The following BABAM2 variants were observed in gnomAD, a reference collection of about 807,000 sequenced individuals.
The protein encoded by BABAM2 is BRISC and BRCA1 A complex member 2.
BABAM2 carries 31 observed loss-of-function variants against 54.7 expected under a neutral mutation model. The observed-to-expected ratio is 0.57, with a 90% CI of 0.43 to 0.77. The LOEUF (loss-of-function observed/expected upper bound fraction) is 0.77. BABAM2 is among the 30% of genes least tolerant of loss of function. The pLI, the probability that BABAM2 is intolerant of heterozygous loss-of-function variation, is 0.00. For synonymous variants in BABAM2, 167 were observed against 162.9 expected (o/e 1.03, Z -0.19); for missense variants, 364 against 455.8 (o/e 0.80, Z 1.83).
chr2:28,072,473 C>T (rs545234807), intron 6 of BABAM2, among the ~76,000 whole-genome samples: 4 of 152,190 alleles, frequency 2.6e-5, no homozygotes, highest in African/African-American at 9.6e-5. Flanking sequence ...GCAAGCTCCG[C>T]TTCCCGGGTT....
chr2:27,907,340 G>C (rs1031665827), intron 2 of BABAM2, among the ~76,000 whole-genome samples: 2 of 151,780 alleles, frequency 1.3e-5, no homozygotes, highest in South Asian at 4.2e-4. Flanking sequence ...GAATCAAGTG[G>C]AAGTTTTGGA....
intron 6 of BABAM2, among the ~76,000 whole-genome samples, chr2:28,070,115 C>A (rs1279911334): frequency 6.6e-6 from 1 of 152,188 alleles, no homozygotes; most frequent in Non-Finnish European, 1.5e-5. Context: ...TGAGATATTA[C>A]GTGGAATCAA....
chr2:27,963,624 C>G (rs181269044), intron 3 of BABAM2, among the ~76,000 whole-genome samples: 1 of 151,988 alleles, frequency 6.6e-6, no homozygotes, highest in African/African-American at 2.4e-5. Flanking sequence ...CTAGTCTTAA[C>G]GGTTTTTTAA....
Position 28,283,489 on chromosome 2 carries a change from C to A in BABAM2, c.935-14849C>A, listed in dbSNP as rs115067368. Among the ~76,000 whole-genome samples, 1,099 of 152,306 alleles carry A rather than the reference C, an allele frequency of 7.2e-3. 9 individuals are homozygous for A. The highest frequency in any genetic ancestry group is 0.025 in the African/African-American group (1,041 of 41,546). ...ATTTCACCCTCAGGCCTGGCTCTCG[C>A]CTTCTAGTAAACTTGGTGGCTGGTT... On this transcript the variant is annotated intron_variant, in intron 10 of 11. Coordinates refer to ENST00000379624, the MANE Select transcript of BABAM2 (RefSeq NM_199191.3).
intron 7 of BABAM2, among the ~76,000 whole-genome samples, chr2:28,203,403 T>C (rs1287096215): frequency 1.3e-5 from 2 of 152,172 alleles, no homozygotes; most frequent in African/African-American, 4.8e-5. Flanking sequence ...TTCCTGCAAA[T>C]GGTTTTCTAC....
chr2:28,036,318 A>G (rs1188896035), intron 5 of BABAM2, among the ~76,000 whole-genome samples: 1 of 152,240 alleles, frequency 6.6e-6, no homozygotes, highest in Non-Finnish European at 1.5e-5. Context: ...GTTTTCGGAA[A>G]TGTACAAATG....
chr2:27,890,344 A>G (rs1664713113), upstream of BABAM2: 1 of 1,612,980 alleles, frequency 6.2e-7, no homozygotes, highest in South Asian at 1.1e-5. This position sits in a 1 kb window ranked among gnomAD's most constrained non-coding sequence, Gnocchi z 4.8. Flanking sequence ...AGACGCCGCC[A>G]TCGCTCAAAG....
intron 7 of BABAM2, among the ~76,000 whole-genome samples, chr2:28,145,787 G>A (rs1162157905): frequency 1.3e-5 from 2 of 152,092 alleles, no homozygotes; most frequent in African/African-American, 4.8e-5. Flanking sequence ...TGTCTCTATG[G>A]ATTTGCCTGT....
intron 4 of BABAM2, among the ~76,000 whole-genome samples, chr2:28,019,746 A>G (rs1436455166): frequency 6.6e-6 from 1 of 152,196 alleles, no homozygotes; most frequent in Non-Finnish European, 1.5e-5. Context: ...TTTGTTGAAT[A>G]GGGTGTCCTT....
chr2:27,988,447 G>A (rs991964205), intron 4 of BABAM2, among the ~76,000 whole-genome samples: 2 of 152,088 alleles, frequency 1.3e-5, no homozygotes, highest in Non-Finnish European at 2.9e-5. Context: ...TACAGGGCTC[G>A]TTAGGAGAGT....
chr2:28,270,567 C>T (rs1236529015), intron 10 of BABAM2, among the ~76,000 whole-genome samples: 2 of 152,188 alleles, frequency 1.3e-5, no homozygotes, highest in African/African-American at 4.8e-5. Flanking sequence ...TGCTATTGGT[C>T]GTGTATTTGA....
intron 3 of BABAM2, among the ~76,000 whole-genome samples, chr2:27,952,816 G>A (rs1024287649): frequency 1.3e-5 from 2 of 152,122 alleles, no homozygotes; most frequent in African/African-American, 4.8e-5. Flanking sequence ...AAATTAAAAA[G>A]CAAGACTTCT....
rs951658809 is a variant in BABAM2 at position 28,304,801 on chromosome 2, C to T, written c.1088+6310C>T. On this transcript the variant is annotated intron_variant, in intron 11 of 11. Transcript: ENST00000379624. This position sits in a 1 kb window ranked among gnomAD's most constrained non-coding sequence, Gnocchi z 4.0. Reference sequence around the variant, plus strand: ...TTTACCATGTTGCCCAGGCTGGTCTCGAACTCCTGAGCACAGGCAATCCAC... The same window carrying T: ...TTTACCATGTTGCCCAGGCTGGTCTTGAACTCCTGAGCACAGGCAATCCAC... Among the ~76,000 whole-genome samples, 4 of 151,472 alleles carry T rather than the reference C, an allele frequency of 2.6e-5. No homozygotes were observed. The highest frequency in any genetic ancestry group is 2.1e-4 in the South Asian group (1 of 4,794).
intron 10 of BABAM2, among the ~76,000 whole-genome samples, chr2:28,291,315 G>A (rs907318136): frequency 2.6e-5 from 4 of 152,088 alleles, no homozygotes; most frequent in African/African-American, 4.8e-5. Flanking sequence ...AAGATAAGCC[G>A]GGCATAGTGG....
chr2:28,237,252 G>A lies in BABAM2; in HGVS notation c.731G>A (p.Gly244Glu). The A allele has an allele frequency of 1.2e-6, 2 of 1,613,918 alleles. No homozygotes were observed. Among genetic ancestry groups the A allele is most frequent in the South Asian group, 2.2e-5 (2 of 91,076 alleles). ...ALHIPAFPGG[G>E]CLIDYVPQVC... ...CATATCCCAGCTTTTCCAGGAGGAG[G>A]ATGTCTCATTGATTACGTTCCTCAA... The change falls in exon 8 of 12, where the codon GGA becomes GAA. Residue 244 changes from glycine to glutamate, a missense_variant. Transcript: ENST00000379624.
At chr2:28,113,468 G>A (rs1015380782) in intron 6 of BABAM2, among the ~76,000 whole-genome samples, 4 of 152,036 alleles carry the variant, frequency 2.6e-5, no homozygotes, top group Non-Finnish European at 5.9e-5. Context: ...GTAGATGTGT[G>A]GTGTTATTTC....
intron 3 of BABAM2, among the ~76,000 whole-genome samples, chr2:27,934,652 T>G (rs1668362694): frequency 6.6e-6 from 1 of 152,198 alleles, no homozygotes; most frequent in Non-Finnish European, 1.5e-5. Flanking sequence ...ACGTTGTGAA[T>G]GCAAAGAAAA....
chr2:28,033,790 T>G (rs1286195102), intron 5 of BABAM2, among the ~76,000 whole-genome samples: 1 of 116,336 alleles, frequency 8.6e-6, no homozygotes, highest in Non-Finnish European at 2.0e-5. Context: ...CCTAACATTT[T>G]GATTAAAGTG....
chr2:28,026,840 AT>A (rs1675755822), intron 5 of BABAM2, among the ~76,000 whole-genome samples: 1 of 62,386 alleles, frequency 1.6e-5, no homozygotes, highest in Non-Finnish European at 3.0e-5. Context: ...ATAAATATAT[AT>A]AAATATATAT....
Sources: gnomAD v4.1 joint callset for allele counts (sites outside exome capture counted in the v4.1 genomes callset) on GRCh38, gnomAD v4.1.1 for gene constraint, Gnocchi (gnomAD v3.1) non-coding constraint, MANE v1.5 for transcripts, NCBI Gene and HGNC (gene_info 2026-07-23, HGNC 2026-07-21) for gene names.